KIF7: variants seen among roughly 807,000 people sequenced by gnomAD.
KIF7 encodes the protein kinesin-like protein KIF7.
A neutral mutation model predicts 135.7 loss-of-function variants in KIF7; 104 were observed. The ratio of observed to expected loss-of-function variants is 0.77; its 90% CI spans 0.65 to 0.90. The LOEUF (loss-of-function observed/expected upper bound fraction) is 0.90. Ranked by LOEUF, KIF7 falls within the 40% of genes least tolerant of loss-of-function variation. The probability of loss-of-function intolerance (pLI) is 0.00; values close to 1 mark genes in which losing one functional copy is unlikely to be tolerated. For missense variants in KIF7, 2,005 were observed against 1,839.1 expected (o/e 1.09, Z -1.65); for synonymous variants, 883 against 809.4 (o/e 1.09, Z -1.54).
intron 10 of KIF7, among the ~76,000 whole-genome samples, chr15:89,643,190 C>T (rs1402813478): frequency 2.0e-5 from 3 of 152,152 alleles, no homozygotes; most frequent in Non-Finnish European, 4.4e-5. Context: ...CCCATGGGTT[C>T]AACCAACCAT....
rs777350825 is a variant in KIF7 at position 89,633,921 on chromosome 15, G to A, written c.2395-38C>T. 5 of 1,608,498 alleles carry A rather than the reference G, an allele frequency of 3.1e-6. No homozygotes were observed. In the South Asian group the frequency reaches 5.5e-5, roughly 18 times the overall value. On this transcript the variant is annotated intron_variant, in intron 11 of 18. Transcript: ENST00000394412. ...CAGTCTTCACTGGGCCATGCACGGGGCTACCGCGAGCCTGCCATAGTGCTG... is the reference window on the plus strand; with the variant it reads ...CAGTCTTCACTGGGCCATGCACGGGACTACCGCGAGCCTGCCATAGTGCTG...
chr15:89,634,559 G>C (rs1277441244), intron 11 of KIF7, among the ~76,000 whole-genome samples: 1 of 152,210 alleles, frequency 6.6e-6, no homozygotes, highest in Non-Finnish European at 1.5e-5. Context: ...TCAAACGAAG[G>C]GGTGACAGAT....
chr15:89,620,307 C>T (rs1446736726), intron 1 of KIF7, among the ~76,000 whole-genome samples: 1 of 152,164 alleles, frequency 6.6e-6, no homozygotes, highest in Non-Finnish European at 1.5e-5. Flanking sequence ...CTCCCAGGCT[C>T]AGGTGATCCT....
rs1003965388 is a variant in KIF7 at position 89,631,777 on chromosome 15, G to A, written c.2896-67C>T. The A allele has an allele frequency of 2.9e-6, 4 of 1,380,090 alleles. No homozygotes were observed. In the African/African-American group the frequency reaches 5.8e-5, roughly 20 times the overall value. 85.5% of individuals were successfully genotyped at this position (1,380,090 alleles called of 1,614,324 possible). A position where few individuals can be genotyped will look rare whatever the true frequency, so the allele number is the denominator to read the frequency against. On this transcript the variant is annotated intron_variant, in intron 14 of 18. Transcript: ENST00000394412. ...TGTCCTCACAGGGGGGACAGAAAGG[G>A]CCGGATGTTAAGGAGGACTTGCGTC... is the stretch of plus-strand genomic sequence containing the variant.
At chr15:89,629,781 G>GCTAT in intron 16 of KIF7, 1 of 638,892 alleles carries the variant, frequency 1.6e-6, no homozygotes, top group Non-Finnish European at 2.7e-6. Flanking sequence ...CACCTTATCT[G>GCTAT]CTATCTCTGC....
chr15:89,620,258 G>A, intron 1 of KIF7, among the ~76,000 whole-genome samples: 1 of 152,024 alleles, frequency 6.6e-6, no homozygotes, highest in East Asian at 1.9e-4. Flanking sequence ...ACCCAGGCTG[G>A]AGTGCAGTGG....
At position 89,649,765 on chromosome 15, in the gene KIF7, G is replaced by A. The variant is rs754191899; in HGVS notation, c.505C>T (p.Arg169Trp). The A allele has an allele frequency of 2.5e-5, 39 of 1,551,758 alleles. No homozygotes were observed. The highest frequency in any genetic ancestry group is 1.5e-4 in the South Asian group (13 of 84,068). Residue 169 changes from arginine to tryptophan, a missense_variant, in exon 3 of 19, where the codon CGG becomes TGG. Arg to Trp is a moderately radical substitution (Grantham distance 101). Coordinates refer to ENST00000394412, the MANE Select transcript of KIF7 (RefSeq NM_198525.3). Reference protein sequence around the residue: ...VGTASRDIQLREDERGNVVLC... With the variant: ...VGTASRDIQLWEDERGNVVLC... ...CCAACATTCCCGCGCTCATCTTCCC[G>A]GAGCTGGATGTCACGGCTGGCAGTG...
At chr15:89,649,602 A>G in intron 3 of KIF7, 139 bp downstream of exon 3, 1 of 1,033,454 alleles carries the variant, frequency 9.7e-7, no homozygotes. Context: ...CAGTGGAGGC[A>G]AGAAGCTAAA....
chr15:89,621,327 T>G (rs1963421864), intron 1 of KIF7: 1 of 1,524,638 alleles, frequency 6.6e-7, no homozygotes. Flanking sequence ...GGCTGGCTGT[T>G]TTAATAGTAT....
At position 89,637,697 on chromosome 15, in the gene KIF7, A is replaced by G. The variant is rs552759513; in HGVS notation, c.2395-3814T>C. The stretch of plus-strand genomic sequence containing the variant: ...TAATCAATAGCTTACCAACCAAAAA[A>G]AGTCCAGGACCAAATGGATTCACAG... On this transcript the variant is annotated intron_variant, in intron 11 of 18. Coordinates refer to ENST00000394412, the MANE Select transcript of KIF7 (RefSeq NM_198525.3). Among the ~76,000 whole-genome samples the G allele has an allele frequency of 7.6e-3, 986 of 129,252 alleles. 4 individuals carry two copies. Among genetic ancestry groups the G allele is most frequent in the Non-Finnish European group, 0.012 (712 of 57,414 alleles). 84.8% of individuals were successfully genotyped at this position (129,252 alleles called of 152,430 possible). A position where few individuals can be genotyped will look rare whatever the true frequency, so the allele number is the denominator to read the frequency against.
chr15:89,645,480 C>A, intron 8 of KIF7, 29 bp from the exon 9 acceptor site: 2 of 1,554,562 alleles, frequency 1.3e-6, no homozygotes, highest in South Asian at 1.1e-5. Flanking sequence ...AGGCCATGCT[C>A]CTCCCCAGCC....
chr15:89,639,901 A>C (rs916219732), intron 11 of KIF7, among the ~76,000 whole-genome samples: 5 of 152,218 alleles, frequency 3.3e-5, no homozygotes, highest in Non-Finnish European at 5.9e-5. Flanking sequence ...CCAAATGTCC[A>C]ACAATGATAG....
chr15:89,633,758 C>T lies in KIF7; in HGVS notation c.2520G>A (p.Arg840=), dbSNP rs780407771. 21 of 1,610,622 alleles carry T rather than the reference C, an allele frequency of 1.3e-5. No individual in the cohort carries two copies. In the South Asian group the frequency reaches 2.2e-4, roughly 17 times the overall value. ...LMRQQQGQLQ[R]RLREETEQKR... is the part of the protein sequence containing the mutation. ...TCTGCTCCGTCTCCTCGCGAAGCCG[C>T]CTCTGCAGCTGTCCCTGCTGCTGCC... Residue 840 remains arginine (R), a synonymous_variant, in exon 12 of 19, where the codon AGG becomes AGA. Transcript: ENST00000394412.
downstream of KIF7, chr15:89,626,043 C>T (rs1963518789): frequency 3.1e-6 from 5 of 1,613,924 alleles, no homozygotes; most frequent in Non-Finnish European, 4.2e-6. Context: ...ACCTTCCTCT[C>T]AGAGCAAAGA....
intron 1 of KIF7, among the ~76,000 whole-genome samples, chr15:89,621,982 CTT>C (rs34123859): frequency 2.3e-4 from 20 of 87,776 alleles, no homozygotes; most frequent in African/African-American, 6.1e-4. Context: ...CAAACTGACT[CTT>C]TTTTTTTTTT....
rs1596063532 is a variant in KIF7 at position 89,628,303 on chromosome 15, T to G, written c.*116A>C. On this transcript the variant is annotated 3_prime_UTR_variant, in exon 19 of 19. Coordinates refer to ENST00000394412, the MANE Select transcript of KIF7 (RefSeq NM_198525.3). ...TTGTTGATCCCAGTGAGGGTACAGA[T>G]GAGGGCCTGGATTTAGGGTGTGCGG... 1.5e-6 allele frequency: 2 copies of G among 1,369,818 alleles called. No homozygotes were observed. Among genetic ancestry groups the G allele is most frequent in the East Asian group, 4.6e-5 (2 of 43,018 alleles). 84.9% of individuals were successfully genotyped at this position (1,369,818 alleles called of 1,614,324 possible). A position where few individuals can be genotyped will look rare whatever the true frequency, so the allele number is the denominator to read the frequency against.
intron 16 of KIF7, 127 bp from the exon 17 acceptor site, chr15:89,629,700 G>T: frequency 1.6e-6 from 2 of 1,289,258 alleles, no homozygotes; most frequent in Non-Finnish European, 2.1e-6. Context: ...GGTCTTCCCT[G>T]CTGAGCCAAG....
chr15:89,618,031 G>C, exon 2 of KIF7: 1 of 997,368 alleles, frequency 1.0e-6, no homozygotes, highest in East Asian at 2.4e-5. Flanking sequence ...CCCTTTACCA[G>C]CACTGGTGTT....
chr15:89,624,061 C>G (rs1963468937), downstream of KIF7: 1 of 1,613,920 alleles, frequency 6.2e-7, no homozygotes, highest in Non-Finnish European at 8.5e-7. Context: ...TCTCAGAACA[C>G]CTCCGAGAGC....
Sources: gnomAD v4.1 joint callset for allele counts (sites outside exome capture counted in the v4.1 genomes callset) on GRCh38, gnomAD v4.1.1 for gene constraint, MANE v1.5 for transcripts, NCBI Gene and HGNC (gene_info 2026-07-23, HGNC 2026-07-21) for gene names.